RNF24: variants seen among roughly 807,000 people sequenced by gnomAD.
RNF24 encodes the protein ring finger protein 24.
A neutral mutation model predicts 20.0 loss-of-function variants in RNF24; 14 were observed. The ratio of observed to expected loss-of-function variants is 0.70; its 90% CI spans 0.46 to 1.10. The LOEUF (loss-of-function observed/expected upper bound fraction) is 1.10, where lower values mean the gene tolerates loss of function less well. RNF24 is among the 50% of genes least tolerant of loss of function. RNF24 has a pLI of 0.00. For missense variants in RNF24, 124 were observed against 177.6 expected (o/e 0.70, Z 1.71); for synonymous variants, 45 against 61.1 (o/e 0.74, Z 1.23).
intron 1 of RNF24, among the ~76,000 whole-genome samples, chr20:3,972,958 T>G (rs1250879181): frequency 6.6e-6 from 1 of 151,118 alleles, no homozygotes; most frequent in Non-Finnish European, 1.5e-5. Context: ...ATCTCAGCAC[T>G]TTGGGAGGCC....
At chr20:3,996,834 A>G (rs1334135178) in intron 1 of RNF24, among the ~76,000 whole-genome samples, 1 of 152,200 alleles carries the variant, frequency 6.6e-6, no homozygotes, top group Non-Finnish European at 1.5e-5. Flanking sequence ...AGAGGAGGGC[A>G]GAGTGGTAAG....
intron 1 of RNF24, among the ~76,000 whole-genome samples, chr20:4,004,899 G>C (rs978283244): frequency 6.6e-6 from 1 of 152,170 alleles, no homozygotes; most frequent in Non-Finnish European, 1.5e-5. Flanking sequence ...CAGTAGCTCT[G>C]CAGGAGCATC....
chr20:4,014,757 A>G (rs1256950913), intron 1 of RNF24, among the ~76,000 whole-genome samples: 1 of 150,344 alleles, frequency 6.7e-6, no homozygotes, highest in African/African-American at 2.4e-5. Context: ...ACACACACAC[A>G]CACACACACA....
At position 3,931,373 on chromosome 20, in the gene RNF24, G is replaced by C. The variant is rs2090820458; in HGVS notation, c.*2690C>G. 1 of 152,112 alleles carries C rather than the reference G, an allele frequency of 6.6e-6. No individual in the cohort carries two copies. The highest frequency in any genetic ancestry group is 2.4e-5 in the African/African-American group (1 of 41,394). 9.4% of individuals were successfully genotyped at this position (152,112 alleles called of 1,614,324 possible). On this transcript the variant is annotated 3_prime_UTR_variant, in exon 6 of 6. Transcript: ENST00000358395. ...AGTCTGAGCCAAGAGAGTTATAAAG[G>C]GGTCCCTAACTCATTCCTTTTTCAA... is the stretch of plus-strand genomic sequence containing the variant.
chr20:3,984,316 C>G (rs1480988572), intron 1 of RNF24, among the ~76,000 whole-genome samples: 1 of 152,082 alleles, frequency 6.6e-6, no homozygotes, highest in Non-Finnish European at 1.5e-5. Context: ...TTTATGGCCT[C>G]TTGTGAGCTT....
At chr20:3,991,936 A>G (rs1694827910) in intron 1 of RNF24, among the ~76,000 whole-genome samples, 1 of 148,588 alleles carries the variant, frequency 6.7e-6, no homozygotes, top group Admixed American at 6.8e-5. Context: ...ATACACACAC[A>G]CACGCACACA....
chr20:3,974,737 AATG>A (rs1978713134), intron 1 of RNF24, among the ~76,000 whole-genome samples: 1 of 152,218 alleles, frequency 6.6e-6, no homozygotes, highest in South Asian at 2.1e-4. Flanking sequence ...AAAATGACAA[AATG>A]ATGATTAGAG....
Position 3,930,475 on chromosome 20 carries a change from C to A in RNF24, c.*3588G>T, listed in dbSNP as rs1229802335. ...TACCAGGCTCTGGGCACCAGCTAAC[C>A]CCCACAAGAGGTGCCAGGGACGTTA... On this transcript the variant is annotated 3_prime_UTR_variant, in exon 6 of 6. Coordinates refer to ENST00000358395, the MANE Select transcript of RNF24 (RefSeq NM_001134337.3). 2 of 152,216 alleles carry A rather than the reference C, an allele frequency of 1.3e-5. No individual in the cohort carries two copies. The highest frequency in any genetic ancestry group is 2.4e-5 in the African/African-American group (1 of 41,418). 9.4% of individuals were successfully genotyped at this position (152,216 alleles called of 1,614,324 possible).
intron 1 of RNF24, among the ~76,000 whole-genome samples, chr20:3,985,901 G>A (rs908217221): frequency 6.6e-6 from 1 of 151,828 alleles, no homozygotes. Flanking sequence ...ACCACGCCCG[G>A]CTAATTTTGT....
rs558565340 is a variant in RNF24, at chr20:3,938,049, G to A, written c.229-2976C>T. Among the ~76,000 whole-genome samples the A allele has an allele frequency of 2.0e-3, 305 of 152,274 alleles. 2 individuals are homozygous for A. The highest frequency in any genetic ancestry group is 3.3e-3 in the Non-Finnish European group (222 of 68,010). ...GAGCTACCAAACCGATTTCCAAAGC[G>A]GCTGCACCATTTTACGTTCCTACCA... is the stretch of plus-strand genomic sequence containing the variant. On this transcript the variant is annotated intron_variant, in intron 4 of 5. Coordinates refer to ENST00000358395, the MANE Select transcript of RNF24 (RefSeq NM_001134337.3).
rs2090843124 is a variant in RNF24, at chr20:3,933,037, T to C, written c.*1026A>G. On this transcript the variant is annotated 3_prime_UTR_variant, in exon 6 of 6. Coordinates refer to ENST00000358395, the MANE Select transcript of RNF24 (RefSeq NM_001134337.3). Reference sequence around the variant, plus strand: ...AATTACACAGGGATCTTATTTGGGATAAAGTGTTAAAAAGTGAATGACAGG... The same window carrying C: ...AATTACACAGGGATCTTATTTGGGACAAAGTGTTAAAAAGTGAATGACAGG... 2.6e-6 allele frequency: 1 copy of C among 389,954 alleles called. No individual in the cohort carries two copies. The highest frequency in any genetic ancestry group is 1.3e-4 in the South Asian group (1 of 7,628). The allele number at this position is 389,954 out of a possible 1,614,324, so 24.2% of individuals were successfully genotyped here.
In RNF24 at chr20:3,933,716, A is replaced by G. The variant is rs954224751; in HGVS notation, c.*347T>C. 2.7e-5 allele frequency: 5 copies of G among 183,370 alleles called. No homozygotes were observed. The highest frequency in any genetic ancestry group is 5.6e-5 in the Non-Finnish European group (5 of 89,344). 11.4% of individuals were successfully genotyped at this position (183,370 alleles called of 1,614,324 possible). On this transcript the variant is annotated 3_prime_UTR_variant, in exon 6 of 6. Transcript: ENST00000358395. ...ATCCGCAGGTGGGGGTGTGGCTTGA[A>G]AGACCTGCTCTTAGTTCCCTTCTTT...
At chr20:3,969,734 G>T (rs2091294645) in intron 1 of RNF24, among the ~76,000 whole-genome samples, 1 of 151,682 alleles carries the variant, frequency 6.6e-6, no homozygotes, top group Non-Finnish European at 1.5e-5. Flanking sequence ...CATCTTGCTG[G>T]GATAGTGTTA....
intron 2 of RNF24, among the ~76,000 whole-genome samples, chr20:3,957,206 G>A (rs1286385654): frequency 1.8e-4 from 28 of 152,110 alleles, no homozygotes; most frequent in Admixed American, 1.8e-3. Context: ...GCTGAGGCAG[G>A]AGAATTGCTT....
At chr20:3,936,306 C>G (rs898447579) in intron 4 of RNF24, among the ~76,000 whole-genome samples, 1 of 152,168 alleles carries the variant, frequency 6.6e-6, no homozygotes, top group Non-Finnish European at 1.5e-5. Context: ...GGCTCAGACA[C>G]ACTAGCTGTG....
intron 2 of RNF24, among the ~76,000 whole-genome samples, chr20:3,954,886 G>T (rs781585653): frequency 6.7e-6 from 1 of 149,358 alleles, no homozygotes. Flanking sequence ...GTGACAGTGC[G>T]AGACTCCATC....
At chr20:3,993,592 T>C (rs1980631168) in intron 1 of RNF24, among the ~76,000 whole-genome samples, 1 of 152,156 alleles carries the variant, frequency 6.6e-6, no homozygotes, top group Admixed American at 6.5e-5. Flanking sequence ...TGGCCACATA[T>C]CTGAAATCAA....
At chr20:3,944,515 A>G (rs1253138188) in intron 4 of RNF24, among the ~76,000 whole-genome samples, 2 of 152,238 alleles carry the variant, frequency 1.3e-5, no homozygotes, top group African/African-American at 4.8e-5. Flanking sequence ...AACACCAATT[A>G]GAAAACCCAG....
intron 1 of RNF24, among the ~76,000 whole-genome samples, chr20:3,996,958 C>T (rs1319746050): frequency 6.6e-6 from 1 of 151,982 alleles, no homozygotes; most frequent in African/African-American, 2.4e-5. Flanking sequence ...TGGTGGCTCA[C>T]GCCTGTAATC....
Sources: allele counts gnomAD v4.1 joint callset (sites outside exome capture counted in the v4.1 genomes callset), GRCh38; gene constraint gnomAD v4.1.1; transcripts MANE v1.5; gene names NCBI Gene and HGNC (gene_info 2026-07-23, HGNC 2026-07-21).